DKKL1: variants seen among roughly 807,000 people sequenced by gnomAD.
DKKL1 encodes dickkopf-like protein 1.
Under a neutral mutation model 16.5 loss-of-function variants are expected in DKKL1, and 11 were observed. That is an observed-to-expected ratio of 0.67 (90% CI 0.42 to 1.10). DKKL1 has a LOEUF of 1.10. Ranked by LOEUF, DKKL1 falls within the 50% of genes least tolerant of loss-of-function variation. DKKL1 has a pLI of 0.00. For synonymous variants in DKKL1, 119 were observed against 133.2 expected, an observed-to-expected ratio of 0.89 and a Z score of 0.73; for missense variants, 320 against 308.1, an observed-to-expected ratio of 1.04 and a Z score of -0.29.
chr19:49,363,804 C>T (rs1600825978), upstream of DKKL1: 3 of 748,620 alleles, frequency 4.0e-6, no homozygotes, highest in Non-Finnish European at 6.8e-6. Flanking sequence ...TGGGTGAGGC[C>T]GGCAAGTTTG....
chr19:49,365,683 C>G, intron 3 of DKKL1, 34 bp downstream of exon 3: 2 of 1,599,876 alleles, frequency 1.3e-6, no homozygotes, highest in Non-Finnish European at 1.7e-6. Context: ...CTGAAGTCCC[C>G]TTGGGATCCC....
intron 2 of DKKL1, 123 bp from the exon 3 acceptor site, chr19:49,365,385 GA>G: frequency 3.3e-6 from 4 of 1,229,618 alleles, no homozygotes; most frequent in Non-Finnish European, 4.3e-6. Context: ...TCAGAGGGCA[GA>G]AAGTAAAGGG....
Position 49,365,898 on chromosome 19 carries a change from C to T in DKKL1, c.417+13C>T, listed in dbSNP as rs370516054. 26 of 1,611,270 alleles carry T rather than the reference C, an allele frequency of 1.6e-5. No individual in the cohort carries two copies. The African/African-American group carries it at 2.5e-4, about 16-fold the overall frequency. ...GGGTGATTTGAAGGTTAGGACGTGC[C>T]CCGCCGTCAAAGTGTCCAGGCCCAA... On this transcript the variant is annotated intron_variant, in intron 4 of 4. Coordinates refer to ENST00000221498, the MANE Select transcript of DKKL1 (RefSeq NM_014419.4).
At position 49,368,359 on chromosome 19, in the gene DKKL1, T is replaced by C. The variant is rs187171776; in HGVS notation, c.417+2474T>C. ...AAAAGTAGCCAGGTGTGGTGGTGTG[T>C]GCTGTGGTTCCAGCTACCCAGAAGC... is the stretch of plus-strand genomic sequence containing the variant. On this transcript the variant is annotated intron_variant, in intron 4 of 4. Transcript: ENST00000221498. 1.4e-3 allele frequency among the ~76,000 whole-genome samples: 212 copies of C among 149,670 alleles called. 2 individuals are homozygous for C. The East Asian group carries it at 0.032, about 23-fold the overall frequency.
chr19:49,367,112 C>T (rs1339203975), intron 4 of DKKL1, among the ~76,000 whole-genome samples: 8 of 152,160 alleles, frequency 5.3e-5, no homozygotes, highest in South Asian at 2.1e-4. Flanking sequence ...CTGCAACCTC[C>T]GCCACTGAGG....
At position 49,364,588 on chromosome 19, in the gene DKKL1, C is replaced by T. The variant is rs1302752617; in HGVS notation, c.17C>T (p.Pro6Leu). 1 of 1,610,204 alleles carries T rather than the reference C, an allele frequency of 6.2e-7. No individual in the cohort carries two copies. Among genetic ancestry groups the T allele is most frequent in the South Asian group, 1.1e-5 (1 of 90,676 alleles). MGEAS[P>L]PAPARRHLLV... ...ACCCCGACCCTTGCCACAGCCTCCC[C>T]ACCTGCCCCCGCAAGGCGGCATCTG... Residue 6 changes from proline (P) to leucine (L), a missense_variant, in exon 2 of 5, where the codon CCA becomes CTA. Transcript: ENST00000221498.
At chr19:49,367,836 C>T (rs938661345) in intron 4 of DKKL1, among the ~76,000 whole-genome samples, 1 of 152,148 alleles carries the variant, frequency 6.6e-6, no homozygotes, top group African/African-American at 2.4e-5. Flanking sequence ...CCCACGTACA[C>T]CCATGCAATA....
rs1973172089 is a variant in DKKL1 at position 49,364,485 on chromosome 19, T to C, written c.11-97T>C. 4.7e-6 allele frequency: 5 copies of C among 1,062,406 alleles called. No homozygotes were observed. The South Asian group carries it at 8.0e-5, about 17-fold the overall frequency. 65.8% of individuals were successfully genotyped at this position (1,062,406 alleles called of 1,614,324 possible). On this transcript the variant is annotated intron_variant, in intron 1 of 4. Coordinates refer to ENST00000221498, the MANE Select transcript of DKKL1 (RefSeq NM_014419.4). ...AAATGAGCGCGGTGTGGGAGTTGCCTGAACTGGGGAGGCGACCTGGGCAAG... is the reference window on the plus strand; with the variant it reads ...AAATGAGCGCGGTGTGGGAGTTGCCCGAACTGGGGAGGCGACCTGGGCAAG...
intron 4 of DKKL1, chr19:49,369,027 G>A (rs1187402825): frequency 2.6e-5 from 4 of 151,992 alleles, no homozygotes; most frequent in Non-Finnish European, 5.9e-5. Flanking sequence ...AGACTGTGAG[G>A]TCCAGCTCCA....
At position 49,365,840 on chromosome 19, in the gene DKKL1, G is replaced by A. The variant is rs1262482904; in HGVS notation, c.372G>A (p.Val124=). The change falls in exon 4 of 5, where the codon GTG becomes GTA. Residue 124 remains valine, a synonymous_variant. Transcript: ENST00000221498. ...AGGTGCTGATCTCCGAGAATGTGGT[G>A]GCATCCATTCAACCAGCGGAGGGGA... ...TGEVLISENV[V]ASIQPAEGSF... is the part of the protein sequence containing the mutation. 1.2e-6 allele frequency: 2 copies of A among 1,614,130 alleles called. No individual in the cohort carries two copies. Among genetic ancestry groups the A allele is most frequent in the Admixed American group, 1.7e-5 (1 of 60,018 alleles).
intron 4 of DKKL1, chr19:49,370,741 GC>G (rs1332516332): frequency 6.6e-6 from 1 of 152,096 alleles, no homozygotes; most frequent in Non-Finnish European, 1.5e-5. Flanking sequence ...GGAAAAGGAG[GC>G]CCCATGTAAT....
intron 4 of DKKL1, among the ~76,000 whole-genome samples, chr19:49,373,791 A>G (rs1363445728): frequency 2.0e-5 from 3 of 151,950 alleles, no homozygotes; most frequent in Non-Finnish European, 2.9e-5. Flanking sequence ...TTTAACACAT[A>G]ACAATCTCCT....
At chr19:49,364,838 G>A (rs369926852) in intron 2 of DKKL1, 84 bp downstream of exon 2, 1 of 1,522,832 alleles carries the variant, frequency 6.6e-7, no homozygotes, top group Non-Finnish European at 8.9e-7. Context: ...GGGCCAGGCA[G>A]GGGGACAGAC....
At chr19:49,369,333 G>T (rs2146784081) in intron 4 of DKKL1, 1 of 150,272 alleles carries the variant, frequency 6.7e-6, no homozygotes, top group East Asian at 1.9e-4. Flanking sequence ...TTTTTTGTTT[G>T]TTTTTTGTTT....
At chr19:49,370,289 A>G (rs1169611424) in intron 4 of DKKL1, 1 of 152,264 alleles carries the variant, frequency 6.6e-6, no homozygotes, top group Non-Finnish European at 1.5e-5. Context: ...GTGCCAAGGA[A>G]AAAGTTCCCA....
chr19:49,366,607 T>G (rs1973257743), intron 4 of DKKL1, among the ~76,000 whole-genome samples: 1 of 152,198 alleles, frequency 6.6e-6, no homozygotes, highest in Non-Finnish European at 1.5e-5. Context: ...AGAGTATTTT[T>G]CAATCTATCC....
upstream of DKKL1, chr19:49,363,063 C>T (rs1394865282): frequency 6.6e-6 from 1 of 150,892 alleles, no homozygotes; most frequent in African/African-American, 2.4e-5. Flanking sequence ...TTATTGGAGG[C>T]CCACGTAGGT....
At chr19:49,369,698 G>A (rs1038849117) in intron 4 of DKKL1, 2 of 152,718 alleles carry the variant, frequency 1.3e-5, no homozygotes, top group African/African-American at 2.4e-5. Context: ...GAGAAAGGCT[G>A]GAGGAGAAAG....
upstream of DKKL1, chr19:49,363,812 T>G: frequency 2.5e-6 from 2 of 816,158 alleles, no homozygotes; most frequent in Non-Finnish European, 4.0e-6. Context: ...GCCGGCAAGT[T>G]TGGAGCGTGG....
Sources: gnomAD v4.1 joint callset for allele counts (sites outside exome capture counted in the v4.1 genomes callset) on GRCh38, gnomAD v4.1.1 for gene constraint, MANE v1.5 for transcripts, NCBI Gene and HGNC (gene_info 2026-07-23, HGNC 2026-07-21) for gene names.